The following GPI variants were observed in gnomAD, a reference collection of about 807,000 sequenced individuals.
GPI encodes D-hexose-6-phosphate anomerase.
A neutral mutation model predicts 75.8 loss-of-function variants in GPI; 56 were observed. That is an observed-to-expected ratio of 0.74 (90% CI 0.60 to 0.92). The LOEUF is 0.92. Ranked by LOEUF, GPI falls within the 40% of genes least tolerant of loss-of-function variation. GPI has a pLI of 0.00. For missense variants in GPI, 638 were observed against 741.0 expected, an observed-to-expected ratio of 0.86 and a Z score of 1.61; for synonymous variants, 288 against 285.4, an observed-to-expected ratio of 1.01 and a Z score of -0.09.
Position 34,393,403 on chromosome 19 carries a change from C to T in GPI, c.865+95C>T. The T allele has an allele frequency of 2.1e-6, 2 of 951,656 alleles. No individual in the cohort carries two copies. The highest frequency in any genetic ancestry group is 3.5e-6 in the Non-Finnish European group (2 of 575,894). The allele number at this position is 951,656 out of a possible 1,614,324, so 59.0% of individuals were successfully genotyped here. A position where few individuals can be genotyped will look rare whatever the true frequency, so the allele number is the denominator to read the frequency against. On this transcript the variant is annotated intron_variant, in intron 10 of 17. Coordinates refer to ENST00000356487, the MANE Select transcript of GPI (RefSeq NM_000175.5). The surrounding 1 kb of genome is among the most constrained non-coding windows in gnomAD (Gnocchi z 4.4). ...CTTGTGTCCCTGAACATCATGCTGT[C>T]CTCACAGGCTGCTGGCCTCTCTGCA... is the stretch of plus-strand genomic sequence containing the variant.
chr19:34,369,981 C>T (rs34357963), intron 4 of GPI, among the ~76,000 whole-genome samples: 19,195 of 152,244 alleles, frequency 0.13, 1,694 homozygotes, highest in African/African-American at 0.24. Context: ...AGTTCCTGTG[C>T]ACATACACAT....
chr19:34,385,810 C>T (rs566595933), intron 9 of GPI, among the ~76,000 whole-genome samples: 1 of 152,288 alleles, frequency 6.6e-6, no homozygotes, highest in South Asian at 2.1e-4. Context: ...GCATTGAGCA[C>T]AGGTAGGCAG....
intron 14 of GPI, chr19:34,397,808 T>A (rs573115589): frequency 6.6e-6 from 1 of 150,412 alleles, no homozygotes; most frequent in African/African-American, 2.5e-5. Context: ...TGCCTGGCCC[T>A]CTTTTACTTT....
intron 9 of GPI, among the ~76,000 whole-genome samples, chr19:34,383,725 A>C (rs8191401): frequency 1.3e-5 from 2 of 152,150 alleles, no homozygotes; most frequent in South Asian, 4.1e-4. Context: ...TGAGGCAGGC[A>C]GGTGGCATGA....
intron 12 of GPI, 121 bp downstream of exon 12, chr19:34,394,187 A>G: frequency 1.4e-6 from 1 of 709,860 alleles, no homozygotes; most frequent in South Asian, 1.6e-5. Flanking sequence ...GGCCTGGCCA[A>G]GGTCCATCTG....
chr19:34,371,581 T>A (rs1265390365), intron 4 of GPI, among the ~76,000 whole-genome samples: 1 of 152,090 alleles, frequency 6.6e-6, no homozygotes, highest in Non-Finnish European at 1.5e-5. Flanking sequence ...CTTGGTGCAG[T>A]GGCTCACACC....
chr19:34,393,426 GC>G lies in GPI; in HGVS notation c.865+119del, dbSNP rs1312168749. The G allele has an allele frequency of 2.3e-6, 2 of 872,186 alleles. No individual in the cohort carries two copies. Among genetic ancestry groups the G allele is most frequent in the African/African-American group, 1.7e-5 (1 of 60,172 alleles). 54.0% of individuals were successfully genotyped at this position (872,186 alleles called of 1,614,324 possible). Reference sequence around the variant, plus strand: ...GTCCTCACAGGCTGCTGGCCTCTCTGCAGCTGGCTGGGATATTTATTTCATG... The same window carrying G: ...GTCCTCACAGGCTGCTGGCCTCTCTGAGCTGGCTGGGATATTTATTTCATG... On this transcript the variant is annotated intron_variant, in intron 10 of 17. Transcript: ENST00000356487. The surrounding 1 kb of genome is among the most constrained non-coding windows in gnomAD (Gnocchi z 4.4).
chr19:34,379,121 C>A, intron 7 of GPI, 116 bp downstream of exon 7: 1 of 889,738 alleles, frequency 1.1e-6, no homozygotes, highest in Non-Finnish European at 1.9e-6. Context: ...TGAAGGCGGC[C>A]TTGCCGGTGC....
intron 14 of GPI, 100 bp downstream of exon 14, chr19:34,396,757 A>C: frequency 2.3e-6 from 2 of 853,998 alleles, no homozygotes; most frequent in Non-Finnish European, 3.9e-6. Context: ...TTAGTTTTCT[A>C]TTCCTGCCGT....
chr19:34,366,513 C>G, intron 2 of GPI, 78 bp downstream of exon 2: 2 of 955,436 alleles, frequency 2.1e-6, no homozygotes, highest in Non-Finnish European at 1.7e-6. Flanking sequence ...GTCCCCAGGA[C>G]CTTGAGTATC....
intron 4 of GPI, among the ~76,000 whole-genome samples, chr19:34,370,729 AAAAAAAACCAAC>A (rs1198646928): frequency 2.0e-5 from 3 of 151,882 alleles, no homozygotes; most frequent in East Asian, 3.9e-4. Flanking sequence ...TGTCTCAAAA[AAAAAAAACCAAC>A]AAAAAAACCA....
chr19:34,388,484 A>ATGTTTTTTTTT (rs559950751), intron 9 of GPI, among the ~76,000 whole-genome samples: 1 of 151,928 alleles, frequency 6.6e-6, no homozygotes, highest in African/African-American at 2.4e-5. Flanking sequence ...CTCAAAAAAA[A>ATGTTTTTTTTT]AGAAAGTGAG....
Position 34,366,376 on chromosome 19 carries a change from C to T in GPI, c.154C>T (p.Leu52=). The T allele has an allele frequency of 6.2e-7, 1 of 1,613,224 alleles. No individual in the cohort carries two copies. The highest frequency in any genetic ancestry group is 8.5e-7 in the Non-Finnish European group (1 of 1,179,122). Residue 52 remains leucine, a synonymous_variant, in exon 2 of 18, where the codon CTG becomes TTG. Coordinates refer to ENST00000356487, the MANE Select transcript of GPI (RefSeq NM_000175.5). ...CCTCAACACCAACCATGGGCATATC[C>T]TGGTGGATTACTCCAAGAACCTGGT... ...LTLNTNHGHI[L]VDYSKNLVTE... is the part of the protein sequence containing the mutation.
chr19:34,394,653 C>A (rs1445793134), intron 12 of GPI, among the ~76,000 whole-genome samples: 1 of 151,868 alleles, frequency 6.6e-6, no homozygotes, highest in Non-Finnish European at 1.5e-5. Context: ...CAGAGCCCCC[C>A]GAGAGGCTTA....
At chr19:34,365,085 G>T, upstream of GPI, 1 of 1,459,976 alleles carries the variant, frequency 6.8e-7, no homozygotes. Flanking sequence ...CGGGCACCCG[G>T]CCTGGGTATC....
In GPI at chr19:34,369,697, A is replaced by C. The variant is rs543457891; in HGVS notation, c.402+995A>C. Among the ~76,000 whole-genome samples the C allele has an allele frequency of 2.8e-3, 325 of 114,738 alleles. 1 individual carries two copies. The highest frequency in any genetic ancestry group is 0.013 in the African/African-American group (304 of 22,720). 75.3% of individuals were successfully genotyped at this position (114,738 alleles called of 152,430 possible). On this transcript the variant is annotated intron_variant, in intron 4 of 17. Transcript: ENST00000356487. The stretch of plus-strand genomic sequence containing the variant: ...ACTCCAGCCTGGGCGACAGAGGGAG[A>C]CTCTGTCAAAAAAAAAAAAAAATTT...
chr19:34,379,971 A>G (rs2074617494), intron 8 of GPI: 1 of 193,702 alleles, frequency 5.2e-6, no homozygotes, highest in South Asian at 8.6e-5. Flanking sequence ...TTTGCCCCCT[A>G]CTTAGTGTGT....
In GPI at chr19:34,400,253, T is replaced by C. The variant is rs2075003668; in HGVS notation, c.*217T>C. On this transcript the variant is annotated 3_prime_UTR_variant, in exon 18 of 18. Coordinates refer to ENST00000356487, the MANE Select transcript of GPI (RefSeq NM_000175.5). ...CTGTGTTAGAATTGGCTGAAGTGTT[T>C]TTGTGCAGCTGACTTTTCTGACCCA... The C allele has an allele frequency of 1.6e-6, 1 of 620,994 alleles. No homozygotes were observed. The highest frequency in any genetic ancestry group is 1.8e-5 in the African/African-American group (1 of 54,576). The allele number at this position is 620,994 out of a possible 1,614,324, so 38.5% of individuals were successfully genotyped here.
intron 8 of GPI, 191 bp downstream of exon 8, chr19:34,379,753 T>C: frequency 2.9e-6 from 2 of 692,812 alleles, no homozygotes; most frequent in South Asian, 3.1e-5. Flanking sequence ...CTCTGCAGCT[T>C]TGAGGAGGGA....
Sources: allele counts gnomAD v4.1 joint callset (sites outside exome capture counted in the v4.1 genomes callset), GRCh38; gene constraint gnomAD v4.1.1; non-coding constraint Gnocchi (gnomAD v3.1); transcripts MANE v1.5; gene names NCBI Gene and HGNC (gene_info 2026-07-23, HGNC 2026-07-21).